The following CCSER1 variants were observed in gnomAD, a reference collection of about 807,000 sequenced individuals.
The protein encoded by CCSER1 is coiled-coil serine rich protein 1.
CCSER1 carries 41 observed loss-of-function variants against 82.0 expected under a neutral mutation model. The ratio of observed to expected loss-of-function variants is 0.50; its 90% confidence interval spans 0.39 to 0.65. The LOEUF (loss-of-function observed/expected upper bound fraction) is 0.65. Ranked by LOEUF, CCSER1 falls within the 30% of genes least tolerant of loss-of-function variation. The pLI is 0.00. For missense variants in CCSER1, 1,119 were observed against 1,064.2 expected (o/e 1.05, Z -0.72); for synonymous variants, 414 against 383.9 (o/e 1.08, Z -0.92).
intron 9 of CCSER1, among the ~76,000 whole-genome samples, chr4:90,966,430 A>G (rs1315510309): frequency 6.6e-6 from 1 of 152,082 alleles, no homozygotes; most frequent in Non-Finnish European, 1.5e-5. Context: ...GCCAGAAGAA[A>G]GTGGGATGAT....
At chr4:90,180,212 AG>A (rs1733477385) in intron 1 of CCSER1, among the ~76,000 whole-genome samples, 1 of 151,732 alleles carries the variant, frequency 6.6e-6, no homozygotes, top group Admixed American at 6.6e-5. Flanking sequence ...GCATTTTTTA[AG>A]ACTTCTAACT....
At chr4:90,178,066 G>A (rs1351791514) in intron 1 of CCSER1, among the ~76,000 whole-genome samples, 2 of 152,048 alleles carry the variant, frequency 1.3e-5, no homozygotes, top group African/African-American at 4.8e-5. Flanking sequence ...TTGGATAAGG[G>A]ATACACAACC....
At chr4:90,839,737 A>G (rs1331170649) in intron 8 of CCSER1, among the ~76,000 whole-genome samples, 1 of 152,204 alleles carries the variant, frequency 6.6e-6, no homozygotes, top group African/African-American at 2.4e-5. Context: ...CTGTTGTTGA[A>G]GTAAAGGTGC....
intron 8 of CCSER1, among the ~76,000 whole-genome samples, chr4:90,884,391 C>T (rs1168139966): frequency 6.6e-6 from 1 of 152,090 alleles, no homozygotes; most frequent in Non-Finnish European, 1.5e-5. Flanking sequence ...TACACACACG[C>T]ACATACACAT....
chr4:90,315,361 G>GA (rs1735998071), intron 3 of CCSER1, among the ~76,000 whole-genome samples: 2 of 152,270 alleles, frequency 1.3e-5, no homozygotes, highest in East Asian at 3.9e-4. Context: ...ATTTACAGAT[G>GA]AAACTTACTG....
chr4:91,251,089 A>G (rs1242396726), intron 10 of CCSER1, among the ~76,000 whole-genome samples: 2 of 152,150 alleles, frequency 1.3e-5, no homozygotes, highest in African/African-American at 4.8e-5. Context: ...ACACTGAAAC[A>G]ATGAGAATCT....
In CCSER1 at chr4:90,136,914, T is replaced by C. The variant is rs772779055; in HGVS notation, c.-42+9083T>C. On this transcript the variant is annotated intron_variant, in intron 1 of 10. Transcript: ENST00000509176. ...TAGCTCTAAACAAGACCCAAATTCA[T>C]TGTTATAAATATAAATTAAGAATAA... Among the ~76,000 whole-genome samples, 8 of 152,286 alleles carry C rather than the reference T, an allele frequency of 5.3e-5. No individual in the cohort carries two copies. In the East Asian group the frequency reaches 9.6e-4, roughly 18 times the overall value.
intron 1 of CCSER1, among the ~76,000 whole-genome samples, chr4:90,169,429 C>A (rs1038588437): frequency 6.6e-6 from 1 of 152,052 alleles, no homozygotes; most frequent in African/African-American, 2.4e-5. Context: ...CAAACAGGGA[C>A]AATTTGACTT....
chr4:91,195,141 C>T (rs1283005506), intron 10 of CCSER1, among the ~76,000 whole-genome samples: 5 of 152,102 alleles, frequency 3.3e-5, no homozygotes, highest in Non-Finnish European at 2.9e-5. Context: ...AATAGGTTGT[C>T]CATGCTGAGA....
At chr4:90,770,195 A>G (rs1002765391) in intron 7 of CCSER1, among the ~76,000 whole-genome samples, 1 of 152,198 alleles carries the variant, frequency 6.6e-6, no homozygotes, top group African/African-American at 2.4e-5. Context: ...GCCCTGGCCT[A>G]CAGCATGATT....
intron 10 of CCSER1, among the ~76,000 whole-genome samples, chr4:91,572,652 T>A (rs906841177): frequency 1.3e-4 from 19 of 151,800 alleles, no homozygotes; most frequent in African/African-American, 4.6e-4. Context: ...GAAGTGGGAC[T>A]GGGGACCTGG....
At chr4:91,338,970 C>G (rs1336191471) in intron 10 of CCSER1, among the ~76,000 whole-genome samples, 1 of 152,132 alleles carries the variant, frequency 6.6e-6, no homozygotes, top group East Asian at 1.9e-4. Context: ...GACCACTGTT[C>G]CTTTACCATT....
At chr4:90,940,143 TAAAG>T (rs963403122) in intron 9 of CCSER1, among the ~76,000 whole-genome samples, 2 of 152,092 alleles carry the variant, frequency 1.3e-5, no homozygotes, top group Non-Finnish European at 2.9e-5. Flanking sequence ...AGTAAGTCAA[TAAAG>T]AAAGGTACAT....
intron 8 of CCSER1, among the ~76,000 whole-genome samples, chr4:90,889,650 C>G: frequency 6.6e-6 from 1 of 151,890 alleles, no homozygotes; most frequent in Non-Finnish European, 1.5e-5. Flanking sequence ...GATAACTGGA[C>G]AAAGGAACTG....
chr4:91,153,742 G>C (rs1730504699), intron 10 of CCSER1, among the ~76,000 whole-genome samples: 1 of 152,006 alleles, frequency 6.6e-6, no homozygotes. Flanking sequence ...AAGACCGTCA[G>C]CTGCAGGTCT....
At chr4:90,148,282 A>T (rs746990175) in intron 1 of CCSER1, among the ~76,000 whole-genome samples, 1 of 152,226 alleles carries the variant, frequency 6.6e-6, no homozygotes, top group Non-Finnish European at 1.5e-5. Flanking sequence ...ACACATGTGC[A>T]TAAGAAAAAT....
chr4:91,403,469 T>G (rs12500097), intron 10 of CCSER1, among the ~76,000 whole-genome samples: 107,963 of 151,986 alleles, frequency 0.71, 38,483 homozygotes, highest in East Asian at 0.86. Context: ...CCCTGTCTTG[T>G]GCCAGTTTTC....
At chr4:90,761,329 A>G (rs1750382431) in intron 7 of CCSER1, among the ~76,000 whole-genome samples, 1 of 152,162 alleles carries the variant, frequency 6.6e-6, no homozygotes, top group Non-Finnish European at 1.5e-5. Context: ...TCTTCATCTG[A>G]TCACACTGCT....
At chr4:90,140,264 G>T (rs1262559008) in intron 1 of CCSER1, among the ~76,000 whole-genome samples, 1 of 152,104 alleles carries the variant, frequency 6.6e-6, no homozygotes, top group African/African-American at 2.4e-5. Context: ...GTTTTGTAGT[G>T]AAACTTAAAG....
Sources: gnomAD v4.1 joint callset for allele counts (sites outside exome capture counted in the v4.1 genomes callset) on GRCh38, gnomAD v4.1.1 for gene constraint, MANE v1.5 for transcripts, NCBI Gene and HGNC (gene_info 2026-07-23, HGNC 2026-07-21) for gene names.